The following DNAH7 variants were observed in gnomAD, a reference collection of about 807,000 sequenced individuals.
DNAH7 encodes dynein axonemal heavy chain 7.
DNAH7 carries 397 observed loss-of-function variants against 444.6 expected under a neutral mutation model. That is an observed-to-expected ratio of 0.89 (90% CI 0.82 to 0.97). DNAH7 has a LOEUF of 0.97. Among genes scored for constraint, DNAH7 ranks in the 50% least tolerant of loss-of-function variants. DNAH7 has a pLI of 0.00. For synonymous variants in DNAH7, 1,636 were observed against 1,624.4 expected (o/e 1.01, Z -0.17); for missense variants, 4,902 against 4,800.8 (o/e 1.02, Z -0.62).
At chr2:196,010,712 T>A (rs186183378) in intron 10 of DNAH7, among the ~76,000 whole-genome samples, 1 of 152,210 alleles carries the variant, frequency 6.6e-6, no homozygotes, top group Admixed American at 6.5e-5. Flanking sequence ...AAATATAGTG[T>A]GTGTATGTGT....
At chr2:195,995,956 G>C (rs1693669133) in intron 12 of DNAH7, among the ~76,000 whole-genome samples, 1 of 152,156 alleles carries the variant, frequency 6.6e-6, no homozygotes, top group Non-Finnish European at 1.5e-5. Context: ...GATAGAGATT[G>C]CATTAAATCT....
intron 63 of DNAH7, among the ~76,000 whole-genome samples, chr2:195,754,106 C>A (rs1351606533): frequency 6.6e-6 from 1 of 152,170 alleles, no homozygotes; most frequent in Non-Finnish European, 1.5e-5. Flanking sequence ...CTACTGTTAT[C>A]ATTTTCTTCC....
intron 29 of DNAH7, among the ~76,000 whole-genome samples, chr2:195,896,343 G>A (rs1315755483): frequency 6.7e-6 from 1 of 150,192 alleles, no homozygotes; most frequent in African/African-American, 2.5e-5. Flanking sequence ...ATTTTCTTAT[G>A]TGTCTTTCAA....
intron 16 of DNAH7, 115 bp downstream of exon 16, chr2:195,972,127 T>G: frequency 1.3e-6 from 1 of 762,984 alleles, no homozygotes; most frequent in Non-Finnish European, 2.1e-6. Context: ...TATAGCATTA[T>G]AGTATGAGAA....
chr2:195,996,252 A>G (rs1016339982), intron 12 of DNAH7, among the ~76,000 whole-genome samples: 7 of 152,218 alleles, frequency 4.6e-5, no homozygotes, highest in African/African-American at 7.2e-5. Context: ...AGCAGACTAA[A>G]ATCCTTAGCT....
chr2:195,977,627 A>G (rs1006509016), intron 15 of DNAH7, among the ~76,000 whole-genome samples: 3 of 152,162 alleles, frequency 2.0e-5, no homozygotes, highest in Non-Finnish European at 2.9e-5. Flanking sequence ...AAAAATATCA[A>G]TATTTCGGTA....
intron 19 of DNAH7, among the ~76,000 whole-genome samples, chr2:195,948,768 TA>T (rs997092715): frequency 7.4e-4 from 112 of 152,340 alleles, no homozygotes; most frequent in African/African-American, 2.6e-3. Flanking sequence ...TTGTCTTGGC[TA>T]TAAGGGCTCT....
At chr2:196,029,775 A>C (rs1224957735) in intron 5 of DNAH7, among the ~76,000 whole-genome samples, 1 of 152,232 alleles carries the variant, frequency 6.6e-6, no homozygotes, top group Non-Finnish European at 1.5e-5. Flanking sequence ...GTTCAGAAAT[A>C]AAACGATCAA....
intron 56 of DNAH7, among the ~76,000 whole-genome samples, chr2:195,795,617 G>A (rs185450328): frequency 6.6e-6 from 1 of 152,338 alleles, no homozygotes; most frequent in East Asian, 1.9e-4. Flanking sequence ...GTAGGCAAAG[G>A]TCAGGTTCTG....
At chr2:195,898,384 T>C (rs1288192895) in intron 28 of DNAH7, among the ~76,000 whole-genome samples, 1 of 151,948 alleles carries the variant, frequency 6.6e-6, no homozygotes, top group African/African-American at 2.4e-5. Flanking sequence ...AATTTTTAAG[T>C]TTTTCTTCAG....
chr2:195,802,244 C>T (rs1696499190), intron 54 of DNAH7, among the ~76,000 whole-genome samples: 1 of 152,192 alleles, frequency 6.6e-6, no homozygotes, highest in Non-Finnish European at 1.5e-5. Context: ...GGCGTGGTGG[C>T]TCACACCTGT....
At chr2:195,938,293 T>C (rs564011487) in intron 19 of DNAH7, among the ~76,000 whole-genome samples, 239 of 151,778 alleles carry the variant, frequency 1.6e-3, no homozygotes, top group Middle Eastern at 6.8e-3. Context: ...AGGTGCATAA[T>C]TTTTAAAAGG....
At chr2:196,050,945 G>A (rs1430935258) in intron 3 of DNAH7, among the ~76,000 whole-genome samples, 1 of 152,120 alleles carries the variant, frequency 6.6e-6, no homozygotes, top group Non-Finnish European at 1.5e-5. Flanking sequence ...TACTCCTTTT[G>A]CTAACCAATC....
chr2:195,994,995 T>C (rs902516633), intron 12 of DNAH7: 4 of 260,516 alleles, frequency 1.5e-5, no homozygotes, highest in Non-Finnish European at 3.0e-5. Flanking sequence ...AGTGGCGCAA[T>C]CTCGGCTCAC....
intron 14 of DNAH7, among the ~76,000 whole-genome samples, chr2:195,985,743 G>A (rs138614583): frequency 6.6e-5 from 10 of 152,256 alleles, no homozygotes; most frequent in East Asian, 3.9e-4. Context: ...AAGTAGCTAC[G>A]AAATTAAAAT....
At chr2:195,855,686 G>A (rs185429446) in intron 45 of DNAH7, 125 bp downstream of exon 45, 21 of 977,298 alleles carry the variant, frequency 2.1e-5, no homozygotes, top group African/African-American at 1.3e-4. Flanking sequence ...TGTGGCCTGC[G>A]GGTCATAGTT....
chr2:195,878,472 T>C (rs902165382), intron 36 of DNAH7, among the ~76,000 whole-genome samples: 2 of 152,000 alleles, frequency 1.3e-5, no homozygotes, highest in African/African-American at 4.8e-5. Flanking sequence ...TGGTGGTGCA[T>C]GCCTGTAGTC....
chr2:195,951,496 GTTAA>G (rs2125484027), intron 19 of DNAH7, among the ~76,000 whole-genome samples: 1 of 152,248 alleles, frequency 6.6e-6, no homozygotes, highest in South Asian at 2.1e-4. Flanking sequence ...GAATATCCTT[GTTAA>G]TTTTCTGTCT....
chr2:195,756,426 A>C, intron 61 of DNAH7, 141 bp from the exon 62 acceptor site: 1 of 689,824 alleles, frequency 1.4e-6, no homozygotes, highest in Non-Finnish European at 2.1e-6. Flanking sequence ...GAAAAAAAAA[A>C]AGTGAAGATA....
Sources: allele counts gnomAD v4.1 joint callset (sites outside exome capture counted in the v4.1 genomes callset), GRCh38; gene constraint gnomAD v4.1.1; transcripts MANE v1.5; gene names NCBI Gene and HGNC (gene_info 2026-07-23, HGNC 2026-07-21).